Variants in IL6ST observed in about 807,000 individuals in gnomAD.
The protein encoded by IL6ST is interleukin-6 receptor subunit beta.
Under a neutral mutation model 91.3 loss-of-function variants are expected in IL6ST, and 24 were observed. The observed-to-expected ratio is 0.26, with a 90% confidence interval of 0.19 to 0.37. The LOEUF is 0.37. IL6ST is among the 10% of genes least tolerant of loss of function. The pLI is 1.00. For synonymous variants in IL6ST, 351 were observed against 373.6 expected, an observed-to-expected ratio of 0.94 and a Z score of 0.70; for missense variants, 914 against 1,078.5, an observed-to-expected ratio of 0.85 and a Z score of 2.14.
chr5:55,948,241 C>G (rs571973118), intron 14 of IL6ST, among the ~76,000 whole-genome samples: 157 of 152,252 alleles, frequency 1.0e-3, no homozygotes, highest in Non-Finnish European at 1.3e-3. Flanking sequence ...AAATCCTCAT[C>G]TGCATTTAAA....
intron 11 of IL6ST, 40 bp downstream of exon 11, chr5:55,954,770 G>C: frequency 6.7e-7 from 1 of 1,483,230 alleles, no homozygotes; most frequent in Non-Finnish European, 9.2e-7. Flanking sequence ...TAAAGAGTTA[G>C]AAAAAGGATA....
At chr5:55,960,276 T>C (rs1056354509) in intron 8 of IL6ST, 126 bp downstream of exon 8, 6 of 712,174 alleles carry the variant, frequency 8.4e-6, no homozygotes, top group Non-Finnish European at 1.4e-5. Context: ...ATTAAAACGT[T>C]AAAATACTGC....
At chr5:55,957,129 G>A in intron 9 of IL6ST, 80 bp downstream of exon 9, 2 of 695,186 alleles carry the variant, frequency 2.9e-6, no homozygotes, top group African/African-American at 2.0e-5. Flanking sequence ...CTACACTCCT[G>A]CCTGGCAATG....
chr5:55,974,956 T>TACACACACACACACAC (rs3039924), intron 3 of IL6ST, among the ~76,000 whole-genome samples: 1 of 114,516 alleles, frequency 8.7e-6, no homozygotes, highest in African/African-American at 2.7e-5. Flanking sequence ...CACACACACA[T>TACACACACACACACAC]ACACACACAC....
intron 2 of IL6ST, among the ~76,000 whole-genome samples, chr5:55,979,035 G>A (rs1753486595): frequency 6.6e-6 from 1 of 152,096 alleles, no homozygotes; most frequent in South Asian, 2.1e-4. Flanking sequence ...TTGAATCACA[G>A]CAATGAAAAA....
At chr5:55,988,122 C>T (rs572838416) in intron 1 of IL6ST, among the ~76,000 whole-genome samples, 1 of 144,242 alleles carries the variant, frequency 6.9e-6, no homozygotes, top group South Asian at 2.2e-4. Flanking sequence ...CAGAGTGAGG[C>T]TCTGCCTCCA....
chr5:55,952,108 A>C (rs757812065), intron 12 of IL6ST, 33 bp from the exon 13 acceptor site: 1 of 1,583,772 alleles, frequency 6.3e-7, no homozygotes, highest in Non-Finnish European at 8.6e-7. Context: ...GCTAACTGAA[A>C]ATCATTTACA....
At chr5:55,963,949 G>C (rs1479351591) in intron 6 of IL6ST, among the ~76,000 whole-genome samples, 197 bp downstream of exon 6, 6 of 151,846 alleles carry the variant, frequency 4.0e-5, no homozygotes, top group African/African-American at 1.5e-4. Context: ...AAATCACTAA[G>C]ATAAATGCTT....
At chr5:55,951,854 G>A in intron 13 of IL6ST, 75 bp downstream of exon 13, 2 of 955,566 alleles carry the variant, frequency 2.1e-6, no homozygotes, top group Non-Finnish European at 3.1e-6. Flanking sequence ...TGTATAAGAA[G>A]AACAGACTTA....
At position 55,969,051 on chromosome 5, in the gene IL6ST, C is replaced by T. The variant is rs555938352; in HGVS notation, c.370+499G>A. On this transcript the variant is annotated intron_variant, in intron 4 of 16. Coordinates refer to ENST00000381298, the MANE Select transcript of IL6ST (RefSeq NM_002184.4). ...TCTACTAAAAATATGAAAAATTAGC[C>T]GGGCGTGGTGGCTCATGCCTGTAGT... Among the ~76,000 whole-genome samples, 28 of 152,098 alleles carry T rather than the reference C, an allele frequency of 1.8e-4. No homozygotes were observed. The East Asian group carries it at 3.1e-3, about 17-fold the overall frequency.
intron 1 of IL6ST, among the ~76,000 whole-genome samples, chr5:55,991,178 T>C (rs1375510929): frequency 1.3e-5 from 2 of 152,200 alleles, no homozygotes; most frequent in African/African-American, 4.8e-5. Flanking sequence ...TTTGCTATTG[T>C]GAATAGTGCT....
At chr5:55,957,018 C>T (rs1484987183) in intron 9 of IL6ST, among the ~76,000 whole-genome samples, 191 bp downstream of exon 9, 12 of 151,908 alleles carry the variant, frequency 7.9e-5, no homozygotes, top group African/African-American at 2.2e-4. Context: ...ATTAGCGGGG[C>T]GTGGTGGCGC....
In IL6ST at chr5:55,956,014, C is replaced by T; in HGVS notation, c.1267+11G>A. ...CACCCAAGAGTCAGGCTCCATCTCA[C>T]AGATACAAACCTTGAAAGTCACAGG... On this transcript the variant is annotated intron_variant, in intron 10 of 16. Transcript: ENST00000381298. The T allele has an allele frequency of 6.3e-7, 1 of 1,597,328 alleles. No homozygotes were observed. The highest frequency in any genetic ancestry group is 1.7e-4 in the Middle Eastern group (1 of 6,026).
At chr5:55,980,971 C>T (rs1191182256) in intron 2 of IL6ST, among the ~76,000 whole-genome samples, 2 of 152,200 alleles carry the variant, frequency 1.3e-5, no homozygotes, top group African/African-American at 2.4e-5. Flanking sequence ...CTGAAGCAAT[C>T]CTCCTTCTTT....
At chr5:55,947,842 GA>G (rs1751370111) in intron 14 of IL6ST, among the ~76,000 whole-genome samples, 1 of 152,140 alleles carries the variant, frequency 6.6e-6, no homozygotes, top group African/African-American at 2.4e-5. Context: ...TTGGTTGGGG[GA>G]TAAAAATGAT....
chr5:55,976,876 A>G (rs889050012), intron 2 of IL6ST, among the ~76,000 whole-genome samples: 4 of 152,244 alleles, frequency 2.6e-5, no homozygotes, highest in African/African-American at 9.6e-5. Context: ...GGAACGCAAA[A>G]TGATACAGAC....
At chr5:55,992,326 G>A (rs756913149) in intron 1 of IL6ST, among the ~76,000 whole-genome samples, 4 of 152,164 alleles carry the variant, frequency 2.6e-5, no homozygotes, top group Non-Finnish European at 4.4e-5. Flanking sequence ...TCGCTCAAGC[G>A]TACTGTATGG....
rs187546136 is a variant in IL6ST, at chr5:55,954,877, T to C, written c.1383A>G (p.Ser461=). 6.5e-5 allele frequency: 105 copies of C among 1,613,418 alleles called. 2 individuals carry two copies. The Admixed American group carries it at 1.7e-3, about 27-fold the overall frequency. The stretch of plus-strand genomic sequence containing the variant: ...AGTCTGTGATACAGGGTGCTTTATC[T>C]GATAACACACACCACTCAAGTATAT... ...KKYILEWCVL[S]DKAPCITDWQ... Residue 461 remains serine (S), a synonymous_variant, in exon 11 of 17, where the codon TCA becomes TCG. Transcript: ENST00000381298.
chr5:55,990,970 A>G (rs1754291023), intron 1 of IL6ST, among the ~76,000 whole-genome samples: 1 of 141,932 alleles, frequency 7.0e-6, no homozygotes, highest in African/African-American at 2.7e-5. Context: ...ATTCTCACCT[A>G]TGAGTGAGAA....
Sources: gnomAD v4.1 joint callset for allele counts (sites outside exome capture counted in the v4.1 genomes callset) on GRCh38, gnomAD v4.1.1 for gene constraint, MANE v1.5 for transcripts, NCBI Gene and HGNC (gene_info 2026-07-23, HGNC 2026-07-21) for gene names.